The following PPFIA2 variants were observed in gnomAD, a reference collection of about 807,000 sequenced individuals.
PPFIA2 encodes the protein liprin-alpha-2.
PPFIA2 carries 46 observed loss-of-function variants against 175.5 expected under a neutral mutation model. The observed-to-expected ratio is 0.26, with a 90% CI of 0.21 to 0.34. The LOEUF (loss-of-function observed/expected upper bound fraction) is 0.34. PPFIA2 is among the 10% of genes least tolerant of loss of function. The pLI is 1.00. For missense variants in PPFIA2, 1,179 were observed against 1,506.1 expected, an observed-to-expected ratio of 0.78 and a Z score of 3.60; for synonymous variants, 568 against 511.4, an observed-to-expected ratio of 1.11 and a Z score of -1.49.
intron 4 of PPFIA2, among the ~76,000 whole-genome samples, chr12:81,463,387 G>A (rs531808202): frequency 3.3e-5 from 5 of 152,060 alleles, no homozygotes; most frequent in African/African-American, 7.2e-5. Context: ...AAGAGAATTA[G>A]GTCAGTCGCC....
chr12:81,492,243 A>G (rs1469492583), intron 4 of PPFIA2, among the ~76,000 whole-genome samples: 3 of 151,850 alleles, frequency 2.0e-5, no homozygotes, highest in Non-Finnish European at 2.9e-5. Flanking sequence ...TCAAAAGTTT[A>G]TCACATTCCT....
intron 3 of PPFIA2, among the ~76,000 whole-genome samples, chr12:81,750,238 A>G (rs931841330): frequency 7.0e-6 from 1 of 143,832 alleles, no homozygotes; most frequent in Non-Finnish European, 1.6e-5. Flanking sequence ...GCTGGGACAC[A>G]CCAAACAGTG....
At chr12:81,598,467 GCA>G in intron 4 of PPFIA2, 1 of 749,310 alleles carries the variant, frequency 1.3e-6, no homozygotes, top group Non-Finnish European at 1.6e-6. Flanking sequence ...AGGGAAGCAT[GCA>G]CAGTGTATTC....
At chr12:81,430,792 G>C (rs1425134454) in intron 7 of PPFIA2, 3 of 152,128 alleles carry the variant, frequency 2.0e-5, no homozygotes, top group Non-Finnish European at 4.4e-5. Context: ...GGAATAATGT[G>C]TATGATGCAA....
chr12:81,486,841 AT>A, intron 4 of PPFIA2, among the ~76,000 whole-genome samples: 1 of 152,018 alleles, frequency 6.6e-6, no homozygotes. Flanking sequence ...GTCAACTCCA[AT>A]TTTTTGATGA....
intron 4 of PPFIA2, among the ~76,000 whole-genome samples, chr12:81,542,789 C>T (rs1052675017): frequency 2.0e-5 from 3 of 152,100 alleles, no homozygotes; most frequent in Non-Finnish European, 1.5e-5. Flanking sequence ...AATCTGGAAG[C>T]CATTCTTTTG....
At chr12:81,556,115 T>C (rs1268258010) in intron 4 of PPFIA2, among the ~76,000 whole-genome samples, 4 of 151,994 alleles carry the variant, frequency 2.6e-5, no homozygotes, top group Non-Finnish European at 5.9e-5. Context: ...ATTTGGCTAC[T>C]ATTTCCAAAT....
intron 4 of PPFIA2, among the ~76,000 whole-genome samples, chr12:81,565,940 C>T (rs2071188675): frequency 6.6e-6 from 1 of 152,072 alleles, no homozygotes; most frequent in South Asian, 2.1e-4. Context: ...CAGAGGCAGA[C>T]CAGAATTTGA....
At position 81,728,618 on chromosome 12, in the gene PPFIA2, C is replaced by A. The variant is rs12311581; in HGVS notation, c.249+25355G>T. Among the ~76,000 whole-genome samples the A allele has an allele frequency of 2.8e-3, 422 of 151,296 alleles. 1 individual carries two copies. The highest frequency in any genetic ancestry group is 9.6e-3 in the African/African-American group (398 of 41,366). On this transcript the variant is annotated intron_variant, in intron 3 of 32. Transcript: ENST00000549396. The stretch of plus-strand genomic sequence containing the variant: ...CTATATCTAGATTTTCCTTGTATTT[C>A]CTATAGATTACAATTTTTAAAAATA...
intron 4 of PPFIA2, among the ~76,000 whole-genome samples, chr12:81,592,257 T>A (rs972870425): frequency 2.0e-5 from 3 of 152,122 alleles, no homozygotes; most frequent in Admixed American, 6.5e-5. Flanking sequence ...TTGCTGTTGA[T>A]TTTACAGGCT....
intron 4 of PPFIA2, among the ~76,000 whole-genome samples, chr12:81,654,660 G>A (rs1487466202): frequency 1.3e-5 from 2 of 152,060 alleles, no homozygotes; most frequent in East Asian, 3.9e-4. Context: ...GTAAGCTCCA[G>A]ATCAGAAAGC....
chr12:81,695,526 A>C (rs1299726435), intron 3 of PPFIA2, among the ~76,000 whole-genome samples: 1 of 152,156 alleles, frequency 6.6e-6, no homozygotes, highest in East Asian at 1.9e-4. Context: ...AAATGCCAGC[A>C]CCATGCTTCC....
At chr12:81,321,457 C>T (rs536395597) in intron 22 of PPFIA2, among the ~76,000 whole-genome samples, 2 of 152,200 alleles carry the variant, frequency 1.3e-5, no homozygotes, top group East Asian at 3.9e-4. Flanking sequence ...CCCTTGTAAG[C>T]TCATAGTTCT....
At chr12:81,524,438 A>T (rs1042982807) in intron 4 of PPFIA2, among the ~76,000 whole-genome samples, 5 of 152,130 alleles carry the variant, frequency 3.3e-5, no homozygotes, top group African/African-American at 1.2e-4. Flanking sequence ...CTTCCACAAC[A>T]TTTATGTTTT....
chr12:81,464,577 T>C (rs2055239892), intron 4 of PPFIA2, among the ~76,000 whole-genome samples: 1 of 152,094 alleles, frequency 6.6e-6, no homozygotes, highest in Non-Finnish European at 1.5e-5. Context: ...TCTTAGTGAG[T>C]TTAATGAAAA....
intron 4 of PPFIA2, among the ~76,000 whole-genome samples, chr12:81,464,691 A>T (rs2055264511): frequency 6.6e-6 from 1 of 152,100 alleles, no homozygotes; most frequent in Non-Finnish European, 1.5e-5. Flanking sequence ...ACATTCCTAG[A>T]CAGGAAATTA....
chr12:81,350,567 T>A (rs1045028687), intron 17 of PPFIA2: 1 of 152,066 alleles, frequency 6.6e-6, no homozygotes, highest in Non-Finnish European at 1.5e-5. Context: ...AGAAAGAGCA[T>A]GGAACATCAA....
chr12:81,747,068 A>C (rs1290399763), intron 3 of PPFIA2, among the ~76,000 whole-genome samples: 1 of 144,014 alleles, frequency 6.9e-6, no homozygotes, highest in Admixed American at 7.4e-5. Flanking sequence ...CCTGATTGCA[A>C]GGGTTAAAAA....
chr12:81,318,174 A>T (rs10862292), intron 22 of PPFIA2, among the ~76,000 whole-genome samples: 22 of 151,568 alleles, frequency 1.5e-4, no homozygotes, highest in Admixed American at 3.9e-4. Context: ...TATTTCTACC[A>T]GTCTTTGAGG....
Sources: allele counts gnomAD v4.1 joint callset (sites outside exome capture counted in the v4.1 genomes callset), GRCh38; gene constraint gnomAD v4.1.1; transcripts MANE v1.5; gene names NCBI Gene and HGNC (gene_info 2026-07-23, HGNC 2026-07-21).